Variants in MFAP3L observed in about 807,000 individuals in gnomAD.
The protein encoded by MFAP3L is microfibrillar-associated protein 3-like.
Under a neutral mutation model 20.0 loss-of-function variants are expected in MFAP3L, and 5 were observed. The ratio of observed to expected loss-of-function variants is 0.25; its 90% CI spans 0.13 to 0.53. The LOEUF (loss-of-function observed/expected upper bound fraction) is 0.53, where lower values mean the gene tolerates loss of function less well. MFAP3L is among the 20% of genes least tolerant of loss of function. The pLI is 0.96. For synonymous variants in MFAP3L, 219 were observed against 213.0 expected, an observed-to-expected ratio of 1.03 and a Z score of -0.25; for missense variants, 409 against 527.5, an observed-to-expected ratio of 0.78 and a Z score of 2.20.
rs1737648651 is a variant in MFAP3L at position 169,991,350 on chromosome 4, T to C, written c.*28A>G. 1.3e-6 allele frequency: 2 copies of C among 1,592,408 alleles called. No homozygotes were observed. The highest frequency in any genetic ancestry group is 1.4e-5 in the African/African-American group (1 of 73,960). On this transcript the variant is annotated 3_prime_UTR_variant, in exon 3 of 3. Coordinates refer to ENST00000361618, the MANE Select transcript of MFAP3L (RefSeq NM_021647.8). This position sits in a 1 kb window ranked among gnomAD's most constrained non-coding sequence, Gnocchi z 4.9. ...TACAAGGAGCAGCCCCTGATTTTCT[T>C]GATATGCATAGCTTTTCGGGGTTGG... is the stretch of plus-strand genomic sequence containing the variant.
chr4:170,003,629 A>G (rs76156404), intron 2 of MFAP3L: 86,652 of 935,466 alleles, frequency 0.093, 4,351 homozygotes, highest in Non-Finnish European at 0.1. Context: ...AGGACTGAGG[A>G]GTTCAGTGCC....
intron 1 of MFAP3L, among the ~76,000 whole-genome samples, chr4:170,007,463 G>A (rs1035096881): frequency 3.3e-5 from 5 of 152,148 alleles, no homozygotes; most frequent in Admixed American, 6.5e-5. Context: ...AACCACCTTC[G>A]CTGGCTGTGT....
intron 1 of MFAP3L, among the ~76,000 whole-genome samples, chr4:170,017,223 G>A (rs1046303746): frequency 2.6e-5 from 4 of 151,978 alleles, no homozygotes; most frequent in Non-Finnish European, 4.4e-5. Context: ...GAATTGCATC[G>A]TGAACACTTC....
chr4:170,006,858 C>T (rs904236482), intron 1 of MFAP3L: 2 of 152,314 alleles, frequency 1.3e-5, no homozygotes, highest in African/African-American at 2.4e-5. Flanking sequence ...AGCTCCACCT[C>T]ATCTAGCGCT....
rs1299271399 is a variant in MFAP3L, at chr4:170,007,740, G to A, written c.-133-1730C>T. Among the ~76,000 whole-genome samples the A allele has an allele frequency of 5.9e-5, 9 of 152,226 alleles. No homozygotes were observed. The East Asian group carries it at 1.7e-3, about 29-fold the overall frequency. On this transcript the variant is annotated intron_variant, in intron 1 of 2. Coordinates refer to ENST00000361618, the MANE Select transcript of MFAP3L (RefSeq NM_021647.8). ...GCTCAAGTCTGAGAATGCATGAGCT[G>A]CCCCCTTAGGTGTATTCTGTGGTGA...
At position 169,991,220 on chromosome 4, in the gene MFAP3L, A is replaced by G; in HGVS notation, c.*158T>C. 1.4e-6 allele frequency: 1 copy of G among 740,394 alleles called. No individual in the cohort carries two copies. The highest frequency in any genetic ancestry group is 2.9e-5 in the Admixed American group (1 of 34,546). 45.9% of individuals were successfully genotyped at this position (740,394 alleles called of 1,614,324 possible). On this transcript the variant is annotated 3_prime_UTR_variant, in exon 3 of 3. Coordinates refer to ENST00000361618, the MANE Select transcript of MFAP3L (RefSeq NM_021647.8). This position sits in a 1 kb window ranked among gnomAD's most constrained non-coding sequence, Gnocchi z 4.9. Reference sequence around the variant, plus strand: ...TCTCTACTGGGGAAATTCCAGTCCCATTCACTGCAGGCAGGTGTTTCTCCT... The same window carrying G: ...TCTCTACTGGGGAAATTCCAGTCCCGTTCACTGCAGGCAGGTGTTTCTCCT...
chr4:170,016,022 T>G (rs1428186139), intron 1 of MFAP3L, among the ~76,000 whole-genome samples: 1 of 152,178 alleles, frequency 6.6e-6, no homozygotes, highest in African/African-American at 2.4e-5. Context: ...ATGTAATTTT[T>G]ATCATTAACA....
intron 1 of MFAP3L, among the ~76,000 whole-genome samples, chr4:170,013,718 C>T (rs1739525980): frequency 1.3e-5 from 2 of 152,180 alleles, no homozygotes; most frequent in South Asian, 4.1e-4. Flanking sequence ...GCAGGCTATT[C>T]TAATCACAGG....
intron 1 of MFAP3L, among the ~76,000 whole-genome samples, chr4:170,013,862 C>G (rs112009799): frequency 6.6e-6 from 1 of 152,124 alleles, no homozygotes; most frequent in Non-Finnish European, 1.5e-5. Context: ...CATGGCTCAT[C>G]GTATTAATTG....
rs746328594 is a variant in MFAP3L, at chr4:170,005,812, T to C, written c.66A>G (p.Val22=). The C allele has an allele frequency of 2.5e-6, 4 of 1,614,034 alleles. No homozygotes were observed. The South Asian group carries it at 3.3e-5, about 13-fold the overall frequency. Residue 22 remains valine (V), a synonymous_variant, in exon 2 of 3, where the codon GTA becomes GTG. Coordinates refer to ENST00000361618, the MANE Select transcript of MFAP3L (RefSeq NM_021647.8). ...FLPSVPFLIL[V]STLATAKSVT... is the part of the protein sequence containing the mutation. ...CACTCTTAGCGGTGGCTAGAGTGGA[T>C]ACTAGGATTAAAAAGGGCACAGAAG...
intron 2 of MFAP3L, among the ~76,000 whole-genome samples, chr4:170,001,670 T>C (rs1353223772): frequency 2.6e-5 from 4 of 152,318 alleles, no homozygotes; most frequent in South Asian, 4.1e-4. Flanking sequence ...CTACTATACA[T>C]TTCTACTCAC....
chr4:170,010,960 T>C (rs1289323669), intron 1 of MFAP3L, among the ~76,000 whole-genome samples: 1 of 152,198 alleles, frequency 6.6e-6, no homozygotes, highest in Non-Finnish European at 1.5e-5. Context: ...ACCCCATGTG[T>C]CAAGGGTGGG....
intron 1 of MFAP3L, among the ~76,000 whole-genome samples, chr4:170,013,761 G>A (rs961279031): frequency 6.6e-6 from 1 of 152,170 alleles, no homozygotes; most frequent in African/African-American, 2.4e-5. Context: ...TGATGTTTGA[G>A]CACATAATGT....
intron 2 of MFAP3L, among the ~76,000 whole-genome samples, chr4:170,004,460 T>C (rs1024337278): frequency 2.6e-5 from 4 of 152,192 alleles, no homozygotes; most frequent in Non-Finnish European, 5.9e-5. Context: ...CTTGACTGGC[T>C]AACCAAAAGC....
At chr4:170,020,426 G>A (rs1261177669) in intron 1 of MFAP3L, among the ~76,000 whole-genome samples, 1 of 152,138 alleles carries the variant, frequency 6.6e-6, no homozygotes, top group East Asian at 1.9e-4. Context: ...TTGCCGACCT[G>A]CCTCTAGTCT....
intron 1 of MFAP3L, among the ~76,000 whole-genome samples, chr4:170,022,601 C>T (rs1369304149): frequency 6.6e-6 from 1 of 152,136 alleles, no homozygotes; most frequent in Non-Finnish European, 1.5e-5. Flanking sequence ...TTTTGCAGTT[C>T]TGGGGCACGG....
intron 2 of MFAP3L, among the ~76,000 whole-genome samples, chr4:170,002,666 C>T (rs559709940): frequency 8.6e-5 from 13 of 151,976 alleles, no homozygotes; most frequent in African/African-American, 2.4e-4. Context: ...TGCACCGCCA[C>T]GCCCAGCTAA....
At chr4:170,005,193 C>T (rs1410834634) in intron 2 of MFAP3L, 1 of 216,032 alleles carries the variant, frequency 4.6e-6, no homozygotes, top group African/African-American at 2.3e-5. Flanking sequence ...ATTAAATGGA[C>T]ATTTAATGAT....
At chr4:169,993,077 A>G (rs1010323511) in intron 2 of MFAP3L, among the ~76,000 whole-genome samples, 1 of 152,184 alleles carries the variant, frequency 6.6e-6, no homozygotes, top group African/African-American at 2.4e-5. Context: ...AATAAATGCG[A>G]GTTTTCTTAC....
Sources: allele counts gnomAD v4.1 joint callset (sites outside exome capture counted in the v4.1 genomes callset), GRCh38; gene constraint gnomAD v4.1.1; non-coding constraint Gnocchi (gnomAD v3.1); transcripts MANE v1.5; gene names NCBI Gene and HGNC (gene_info 2026-07-23, HGNC 2026-07-21).